The following FGF1 variants were observed in gnomAD, a reference collection of about 807,000 sequenced individuals.
FGF1 encodes the protein beta-endothelial cell growth factor.
FGF1 carries 9 observed loss-of-function variants against 13.4 expected under a neutral mutation model. The observed-to-expected ratio is 0.67, with a 90% CI of 0.40 to 1.17. The LOEUF is 1.17. Ranked by LOEUF, FGF1 falls within the 50% of genes most tolerant of loss-of-function variation. FGF1 has a pLI of 0.01. For missense variants in FGF1, 156 were observed against 192.7 expected (o/e 0.81, Z 1.13); for synonymous variants, 93 against 79.0 (o/e 1.18, Z -0.94).
chr5:142,666,147 C>G (rs1770278519), intron 1 of FGF1, among the ~76,000 whole-genome samples: 1 of 138,370 alleles, frequency 7.2e-6, no homozygotes, highest in Non-Finnish European at 1.6e-5. Flanking sequence ...TGAACTTTAC[C>G]CAGTGCTCAC....
In FGF1 at chr5:142,694,207, C is replaced by T. The variant is rs1752743249; in HGVS notation, c.-35+3415G>A. 2.0e-5 allele frequency among the ~76,000 whole-genome samples: 3 copies of T among 151,106 alleles called. No homozygotes were observed. The South Asian group carries it at 6.3e-4, about 32-fold the overall frequency. On this transcript the variant is annotated intron_variant, in intron 2 of 4. Coordinates refer to the FGF1 transcript ENST00000407758. ...CCACCATCATAACCTCATGGAGAAC[C>T]AAGCAGATTTGGGTTCTAAAGACCT...
At chr5:142,649,815 T>C (rs1347647931) in intron 1 of FGF1, among the ~76,000 whole-genome samples, 1 of 152,230 alleles carries the variant, frequency 6.6e-6, no homozygotes, top group Non-Finnish European at 1.5e-5. Context: ...TTTCTGACTT[T>C]TGTTTTACCG....
chr5:142,654,947 C>T (rs1035950867), intron 1 of FGF1, among the ~76,000 whole-genome samples: 5 of 152,232 alleles, frequency 3.3e-5, no homozygotes, highest in African/African-American at 7.2e-5. Context: ...GCCAGGTAAC[C>T]GCAGGCTCCC....
chr5:142,634,490 G>C (rs545605616), intron 1 of FGF1, among the ~76,000 whole-genome samples: 2 of 152,300 alleles, frequency 1.3e-5, no homozygotes, highest in East Asian at 3.9e-4. Flanking sequence ...CTAGATTCAG[G>C]GTAAGAACCA....
chr5:142,646,448 G>A (rs1314448706), intron 1 of FGF1, among the ~76,000 whole-genome samples: 5 of 151,510 alleles, frequency 3.3e-5, no homozygotes, highest in African/African-American at 7.3e-5. Context: ...CACCTCCTAG[G>A]TTCAAGCAAT....
At chr5:142,616,609 A>C (rs1202978596) in intron 1 of FGF1, among the ~76,000 whole-genome samples, 1 of 152,046 alleles carries the variant, frequency 6.6e-6, no homozygotes, top group Non-Finnish European at 1.5e-5. Context: ...TAAGCCTCTA[A>C]GTCCTTCTGT....
At chr5:142,658,041 C>T (rs947376194) in intron 1 of FGF1, among the ~76,000 whole-genome samples, 1 of 152,208 alleles carries the variant, frequency 6.6e-6, no homozygotes, top group African/African-American at 2.4e-5. Flanking sequence ...TCCAAGAAAT[C>T]TTCCAGGACA....
chr5:142,697,738 A>G (rs1753354104), intron 1 of FGF1: 1 of 152,344 alleles, frequency 6.6e-6, no homozygotes, highest in South Asian at 2.1e-4. Flanking sequence ...GGGAGTTCCC[A>G]TTCACCATCA....
chr5:142,693,321 C>A (rs1286092212), intron 2 of FGF1, among the ~76,000 whole-genome samples: 1 of 151,964 alleles, frequency 6.6e-6, no homozygotes, highest in East Asian at 1.9e-4. Flanking sequence ...GACAGAGTCT[C>A]ACTCTGTCGC....
intron 2 of FGF1, among the ~76,000 whole-genome samples, chr5:142,606,925 G>A (rs1456119621): frequency 3.3e-5 from 5 of 152,268 alleles, no homozygotes; most frequent in African/African-American, 7.2e-5. Flanking sequence ...ATTTTACTAC[G>A]TATGCATGAA....
At chr5:142,696,973 G>C (rs1331255818) in intron 2 of FGF1, among the ~76,000 whole-genome samples, 1 of 152,156 alleles carries the variant, frequency 6.6e-6, no homozygotes, top group Non-Finnish European at 1.5e-5. Flanking sequence ...CTATGAGGAG[G>C]CATTATAGGG....
At chr5:142,683,581 C>T (rs1561756287) in intron 1 of FGF1, among the ~76,000 whole-genome samples, 1 of 151,918 alleles carries the variant, frequency 6.6e-6, no homozygotes, top group Non-Finnish European at 1.5e-5. Flanking sequence ...AATCCTAGCA[C>T]TTTGGGAGGC....
chr5:142,662,066 A>G (rs1405837250), intron 1 of FGF1, among the ~76,000 whole-genome samples: 2 of 152,204 alleles, frequency 1.3e-5, no homozygotes, highest in Non-Finnish European at 1.5e-5. Flanking sequence ...TTCCATTTAC[A>G]TGAAATGTCT....
At chr5:142,692,856 A>AAACAAACAAACC (rs1554096663) in intron 2 of FGF1, among the ~76,000 whole-genome samples, 1 of 151,232 alleles carries the variant, frequency 6.6e-6, no homozygotes. Flanking sequence ...ACAAACAAAC[A>AAACAAACAAACC]AACCCAATCT....
intron 1 of FGF1, among the ~76,000 whole-genome samples, chr5:142,648,514 G>C (rs1597318008): frequency 6.6e-6 from 1 of 151,432 alleles, no homozygotes; most frequent in South Asian, 2.1e-4. Context: ...TCGGGGGTTG[G>C]GGGGCTAGGG....
chr5:142,672,536 A>C (rs1448774488), intron 1 of FGF1, among the ~76,000 whole-genome samples: 10 of 121,086 alleles, frequency 8.3e-5, no homozygotes, highest in Middle Eastern at 4.5e-3. Flanking sequence ...ACCAAGTCTC[A>C]CTCTGTCGCC....
chr5:142,640,092 G>A (rs28491999), intron 1 of FGF1, among the ~76,000 whole-genome samples: 35,591 of 151,774 alleles, frequency 0.23, 5,254 homozygotes, highest in African/African-American at 0.4. Context: ...TGAATCATAT[G>A]TATTTTCTAA....
chr5:142,696,221 C>G (rs1753088236), intron 2 of FGF1, among the ~76,000 whole-genome samples: 1 of 152,202 alleles, frequency 6.6e-6, no homozygotes. Flanking sequence ...GTCACTAATA[C>G]ATTTTTATGG....
intron 1 of FGF1, among the ~76,000 whole-genome samples, chr5:142,654,853 C>A (rs1767873601): frequency 6.6e-6 from 1 of 152,212 alleles, no homozygotes; most frequent in African/African-American, 2.4e-5. Context: ...GAAGGGGCTT[C>A]TCTTCTACCT....
Sources: gnomAD v4.1 joint callset for allele counts (sites outside exome capture counted in the v4.1 genomes callset) on GRCh38, gnomAD v4.1.1 for gene constraint, MANE v1.5 for transcripts, NCBI Gene and HGNC (gene_info 2026-07-23, HGNC 2026-07-21) for gene names.